SLC14A2: variants seen among roughly 807,000 people sequenced by gnomAD.
SLC14A2 encodes the protein urea transporter 2.
In SLC14A2, 91 loss-of-function variants were observed where a neutral mutation model predicts 104.6. The observed-to-expected ratio is 0.87, with a 90% CI of 0.73 to 1.04. The LOEUF is 1.04. SLC14A2 is among the 50% of genes least tolerant of loss of function. The pLI is 0.00. For synonymous variants in SLC14A2, 476 were observed against 466.4 expected (o/e 1.02, Z -0.27); for missense variants, 1,189 against 1,156.0 (o/e 1.03, Z -0.41).
At chr18:45,298,543 G>A (rs1251191229) in intron 1 of SLC14A2, among the ~76,000 whole-genome samples, 2 of 152,086 alleles carry the variant, frequency 1.3e-5, no homozygotes, top group African/African-American at 4.8e-5. Context: ...CCATTCTCCA[G>A]CCCATGGCCC....
intron 2 of SLC14A2, among the ~76,000 whole-genome samples, chr18:45,548,576 C>T (rs1021043547): frequency 2.0e-5 from 3 of 152,168 alleles, no homozygotes; most frequent in African/African-American, 7.2e-5. Context: ...TGGTGACATG[C>T]ACCTGTGGTC....
intron 2 of SLC14A2, among the ~76,000 whole-genome samples, chr18:45,487,509 G>A (rs910633334): frequency 1.1e-4 from 16 of 152,296 alleles, no homozygotes; most frequent in South Asian, 4.2e-4. Context: ...CCTACCATGG[G>A]GAGGAAAGAT....
intron 1 of SLC14A2, among the ~76,000 whole-genome samples, chr18:45,374,941 A>G (rs1019991586): frequency 6.6e-6 from 1 of 152,202 alleles, no homozygotes; most frequent in African/African-American, 2.4e-5. Context: ...CTCTGGAAGT[A>G]GAGAGACTCT....
chr18:45,446,816 C>T (rs577541641), intron 1 of SLC14A2, among the ~76,000 whole-genome samples: 11 of 152,198 alleles, frequency 7.2e-5, no homozygotes, highest in Admixed American at 5.9e-4. Context: ...CAAAATGGGG[C>T]TCAGCAAGAT....
At chr18:45,403,440 T>G (rs930733942) in intron 1 of SLC14A2, among the ~76,000 whole-genome samples, 1 of 152,212 alleles carries the variant, frequency 6.6e-6, no homozygotes, top group Non-Finnish European at 1.5e-5. Context: ...ATAGCAATAA[T>G]TGCTTAGAGA....
At chr18:45,361,486 A>C (rs756543779) in intron 1 of SLC14A2, among the ~76,000 whole-genome samples, 13 of 152,202 alleles carry the variant, frequency 8.5e-5, no homozygotes, top group Non-Finnish European at 1.8e-4. Flanking sequence ...ATCAAGGAAA[A>C]GGGCACCTCT....
chr18:45,566,515 G>GCACACACA (rs66828313), intron 2 of SLC14A2, among the ~76,000 whole-genome samples: 29 of 150,086 alleles, frequency 1.9e-4, no homozygotes, highest in African/African-American at 5.6e-4. Context: ...GCTCACGCTC[G>GCACACACA]CACACACACA....
At chr18:45,403,038 G>A (rs1331886479) in intron 1 of SLC14A2, among the ~76,000 whole-genome samples, 1 of 152,200 alleles carries the variant, frequency 6.6e-6, no homozygotes, top group East Asian at 1.9e-4. Context: ...AGACTGGGTG[G>A]CTTAAACAAC....
At chr18:45,250,887 G>A (rs780069167) in intron 1 of SLC14A2, among the ~76,000 whole-genome samples, 6 of 151,582 alleles carry the variant, frequency 4.0e-5, no homozygotes, top group Non-Finnish European at 8.8e-5. Context: ...AGATGCCTGA[G>A]GCAAGTTAAC....
intron 1 of SLC14A2, among the ~76,000 whole-genome samples, chr18:45,302,766 T>C (rs2084980776): frequency 6.6e-6 from 1 of 152,206 alleles, no homozygotes; most frequent in African/African-American, 2.4e-5. Flanking sequence ...CCATCTTTAC[T>C]TATAAAATAC....
At chr18:45,415,339 G>C (rs1213719247) in intron 1 of SLC14A2, among the ~76,000 whole-genome samples, 1 of 152,058 alleles carries the variant, frequency 6.6e-6, no homozygotes, top group Non-Finnish European at 1.5e-5. Flanking sequence ...TCAAACAAAT[G>C]TGTCATTTCT....
At chr18:45,233,757 C>A (rs1225230841) in intron 1 of SLC14A2, among the ~76,000 whole-genome samples, 2 of 136,960 alleles carry the variant, frequency 1.5e-5, no homozygotes, top group African/African-American at 2.7e-5. Context: ...CCCCACCCCC[C>A]GCTTCCCCCG....
At chr18:45,507,422 C>G (rs970175166) in intron 2 of SLC14A2, 1 of 152,364 alleles carries the variant, frequency 6.6e-6, no homozygotes, top group African/African-American at 2.4e-5. Context: ...TTGGTAAGCT[C>G]TGCCCCATAA....
intron 1 of SLC14A2, among the ~76,000 whole-genome samples, chr18:45,277,856 A>G (rs2084719358): frequency 6.6e-6 from 1 of 152,244 alleles, no homozygotes; most frequent in African/African-American, 2.4e-5. Context: ...TTTCTGTTCT[A>G]AAGGGGTTTC....
intron 1 of SLC14A2, among the ~76,000 whole-genome samples, chr18:45,445,359 C>T (rs941395285): frequency 6.6e-6 from 1 of 152,146 alleles, no homozygotes; most frequent in African/African-American, 2.4e-5. Context: ...ATCTGCCCGC[C>T]TCAGCCTTCC....
At chr18:45,206,288 C>T in the SLC14A2 span, among the ~76,000 whole-genome samples, 1 of 152,112 alleles carries the variant, frequency 6.6e-6, no homozygotes, top group Non-Finnish European at 1.5e-5. Context: ...TCCTGAAAAT[C>T]TGAAAGATCA....
chr18:45,547,536 A>G (rs2043990006), intron 2 of SLC14A2, among the ~76,000 whole-genome samples: 1 of 152,188 alleles, frequency 6.6e-6, no homozygotes, highest in Non-Finnish European at 1.5e-5. Flanking sequence ...TTCACTGCCT[A>G]TGTTGGAACT....
At chr18:45,499,487 A>T (rs1462719129) in intron 2 of SLC14A2, among the ~76,000 whole-genome samples, 1 of 152,254 alleles carries the variant, frequency 6.6e-6, no homozygotes, top group Non-Finnish European at 1.5e-5. Flanking sequence ...TAAAGGCTGT[A>T]TGATCTTGGG....
chr18:45,279,791 A>T (rs1038729209), intron 1 of SLC14A2, among the ~76,000 whole-genome samples: 3 of 152,216 alleles, frequency 2.0e-5, no homozygotes, highest in African/African-American at 7.2e-5. Flanking sequence ...TACATAAAAA[A>T]CACAAAGCGA....
Sources: gnomAD v4.1 joint callset for allele counts (sites outside exome capture counted in the v4.1 genomes callset) on GRCh38, gnomAD v4.1.1 for gene constraint, MANE v1.5 for transcripts, NCBI Gene and HGNC (gene_info 2026-07-23, HGNC 2026-07-21) for gene names.